Variants in TNFRSF11A observed in about 807,000 individuals in gnomAD.
TNFRSF11A encodes the protein TNF receptor superfamily member 11a.
Under a neutral mutation model 55.7 loss-of-function variants are expected in TNFRSF11A, and 32 were observed. The ratio of observed to expected loss-of-function variants is 0.57; its 90% CI spans 0.43 to 0.77. TNFRSF11A has a LOEUF of 0.77. TNFRSF11A is among the 30% of genes least tolerant of loss of function. The pLI, the probability that TNFRSF11A is intolerant of heterozygous loss-of-function variation, is 0.00. For missense variants in TNFRSF11A, 753 were observed against 809.8 expected (o/e 0.93, Z 0.85); for synonymous variants, 311 against 331.0 (o/e 0.94, Z 0.65).
intron 3 of TNFRSF11A, among the ~76,000 whole-genome samples, chr18:62,350,194 C>T (rs1568480240): frequency 6.6e-6 from 1 of 152,222 alleles, no homozygotes; most frequent in African/African-American, 2.4e-5. Flanking sequence ...CATAATGTTT[C>T]CATAATGTTC....
intron 1 of TNFRSF11A, among the ~76,000 whole-genome samples, chr18:62,337,990 A>T (rs180809343): frequency 2.2e-3 from 328 of 152,334 alleles, no homozygotes; most frequent in Non-Finnish European, 3.6e-3. Context: ...CCCTATGAAA[A>T]CGGACAAAGG....
intron 4 of TNFRSF11A, among the ~76,000 whole-genome samples, chr18:62,357,309 T>C (rs899467403): frequency 2.6e-5 from 4 of 152,252 alleles, no homozygotes; most frequent in African/African-American, 9.6e-5. Context: ...TCTTGGGACT[T>C]ACCGAAGAAT....
chr18:62,340,385 A>C (rs2046295218), intron 1 of TNFRSF11A, among the ~76,000 whole-genome samples: 1 of 151,758 alleles, frequency 6.6e-6, no homozygotes, highest in Non-Finnish European at 1.5e-5. Flanking sequence ...CACTTGGATA[A>C]TTTTTAAAGT....
At chr18:62,379,054 T>G (rs1211170932) in intron 9 of TNFRSF11A, among the ~76,000 whole-genome samples, 1 of 152,210 alleles carries the variant, frequency 6.6e-6, no homozygotes, top group Non-Finnish European at 1.5e-5. Flanking sequence ...GTTTTCATCC[T>G]TGAACAGTGT....
At chr18:62,379,470 G>A (rs1296054302) in intron 9 of TNFRSF11A, among the ~76,000 whole-genome samples, 1 of 152,148 alleles carries the variant, frequency 6.6e-6, no homozygotes, top group East Asian at 1.9e-4. Context: ...GAAAAAATGA[G>A]TTTGATAATC....
At chr18:62,369,891 C>G (rs1297612669) in intron 9 of TNFRSF11A, among the ~76,000 whole-genome samples, 1 of 152,118 alleles carries the variant, frequency 6.6e-6, no homozygotes, top group East Asian at 1.9e-4. Flanking sequence ...CACCTTAGGC[C>G]TCTTAAATCT....
At position 62,358,025 on chromosome 18, in the gene TNFRSF11A, G is replaced by C. The variant is rs905719329; in HGVS notation, c.428-223G>C. On this transcript the variant is annotated intron_variant, in intron 4 of 9. Transcript: ENST00000586569. ...TCAAGTCAGTTACCTTTCTGAGCGT[G>C]GTTCCATAACTCACTGCTGGGGTCA... The C allele has an allele frequency of 1.6e-5, 9 of 551,776 alleles. No homozygotes were observed. In the East Asian group the frequency reaches 2.8e-4, roughly 17 times the overall value. 34.2% of individuals were successfully genotyped at this position (551,776 alleles called of 1,614,324 possible). A position where few individuals can be genotyped will look rare whatever the true frequency, so the allele number is the denominator to read the frequency against.
intron 8 of TNFRSF11A, 86 bp downstream of exon 8, chr18:62,366,846 C>T (rs1325832209): frequency 3.0e-6 from 4 of 1,324,756 alleles, no homozygotes; most frequent in Admixed American, 1.7e-5. Flanking sequence ...TTGAGCACCC[C>T]CCCCCACCCC....
chr18:62,337,896 G>A (rs2046257370), intron 1 of TNFRSF11A, among the ~76,000 whole-genome samples: 1 of 152,158 alleles, frequency 6.6e-6, no homozygotes, highest in Admixed American at 6.5e-5. Context: ...GTATCTGATT[G>A]GTCGACTTTC....
rs151126522 is a variant in TNFRSF11A at position 62,356,954 on chromosome 18, G to A, written c.428-1294G>A. On this transcript the variant is annotated intron_variant, in intron 4 of 9. Coordinates refer to ENST00000586569, the MANE Select transcript of TNFRSF11A (RefSeq NM_003839.4). ...ACCCTTTGTATGCCTGTTAGCCCCC[G>A]TCTCTTCGATTTTGAGGGCTTCTCA... Among the ~76,000 whole-genome samples the A allele has an allele frequency of 9.5e-3, 1,445 of 152,224 alleles. 30 individuals carry two copies. Among genetic ancestry groups the A allele is most frequent in the African/African-American group, 0.032 (1,345 of 41,540 alleles).
chr18:62,330,411 G>T (rs539305075), intron 1 of TNFRSF11A, among the ~76,000 whole-genome samples: 1 of 152,224 alleles, frequency 6.6e-6, no homozygotes, highest in African/African-American at 2.4e-5. Context: ...CTGGCGGTGA[G>T]AACAGCAGGG....
intron 9 of TNFRSF11A, among the ~76,000 whole-genome samples, chr18:62,382,126 T>TTTTTA (rs1911334125): frequency 7.3e-6 from 1 of 136,092 alleles, no homozygotes; most frequent in South Asian, 2.4e-4. Context: ...TTTTTTTTTT[T>TTTTTA]TTTTTTGAGA....
intron 9 of TNFRSF11A, among the ~76,000 whole-genome samples, chr18:62,380,230 C>G (rs1006023297): frequency 6.6e-6 from 1 of 152,188 alleles, no homozygotes; most frequent in African/African-American, 2.4e-5. Context: ...GTGTGATTGG[C>G]ACATCAGTAT....
intron 1 of TNFRSF11A, among the ~76,000 whole-genome samples, chr18:62,337,886 G>A (rs1380607022): frequency 6.6e-6 from 1 of 152,196 alleles, no homozygotes; most frequent in African/African-American, 2.4e-5. Context: ...AAATGAATGT[G>A]TATCTGATTG....
chr18:62,384,914 C>G lies in TNFRSF11A; in HGVS notation c.1731C>G (p.Arg577=). ...CGGTGCAGGAGGAGACCCTGGCGCG[C>G]CGAGACTCCTTCGCGGGGAACGGCC... The part of the protein sequence containing the change: ...GRPVQEETLA[R]RDSFAGNGPR... Residue 577 remains arginine, a synonymous_variant, in exon 10 of 10, where the codon CGC becomes CGG. Transcript: ENST00000586569. 1 of 1,565,770 alleles carries G rather than the reference C, an allele frequency of 6.4e-7. No homozygotes were observed. Among genetic ancestry groups the G allele is most frequent in the South Asian group, 1.2e-5 (1 of 85,776 alleles).
rs1231536674 is a variant in TNFRSF11A, at chr18:62,325,336, C to G, written c.-17C>G. ...GAGGCCGCTGAGGCCGCGGCGCCCGCCAGCCTGTCCCGCGCCATGGCCCCG... is the reference window on the plus strand; with the variant it reads ...GAGGCCGCTGAGGCCGCGGCGCCCGGCAGCCTGTCCCGCGCCATGGCCCCG... On this transcript the variant is annotated 5_prime_UTR_variant, in exon 1 of 10. Coordinates refer to ENST00000586569, the MANE Select transcript of TNFRSF11A (RefSeq NM_003839.4). This position sits in a 1 kb window ranked among gnomAD's most constrained non-coding sequence, Gnocchi z 4.7. 4.9e-6 allele frequency: 5 copies of G among 1,011,198 alleles called. No individual in the cohort carries two copies. The highest frequency in any genetic ancestry group is 4.9e-4 in the Middle Eastern group (1 of 2,056). 62.6% of individuals were successfully genotyped at this position (1,011,198 alleles called of 1,614,324 possible).
rs1398460275 is a variant in TNFRSF11A at position 62,325,474 on chromosome 18, C to G, written c.75+47C>G. The G allele has an allele frequency of 8.5e-7, 1 of 1,182,930 alleles. No individual in the cohort carries two copies. Among genetic ancestry groups the G allele is most frequent in the East Asian group, 4.3e-5 (1 of 23,156 alleles). The allele number at this position is 1,182,930 out of a possible 1,614,324, so 73.3% of individuals were successfully genotyped here. A position where few individuals can be genotyped will look rare whatever the true frequency, so the allele number is the denominator to read the frequency against. On this transcript the variant is annotated intron_variant, in intron 1 of 9. Coordinates refer to ENST00000586569, the MANE Select transcript of TNFRSF11A (RefSeq NM_003839.4). The surrounding 1 kb of genome is among the most constrained non-coding windows in gnomAD (Gnocchi z 4.7). ...CGGGCCGCGCGGCCCGACGCCTCCT[C>G]GGGAGCCCCGGGAAGGGCCGGGGCC...
intron 1 of TNFRSF11A, among the ~76,000 whole-genome samples, chr18:62,340,535 A>T (rs539940429): frequency 6.6e-6 from 1 of 151,384 alleles, no homozygotes; most frequent in African/African-American, 2.4e-5. Flanking sequence ...TGTGACAGTT[A>T]TAGTTTCTTC....
At chr18:62,329,249 G>C (rs934261391) in intron 1 of TNFRSF11A, among the ~76,000 whole-genome samples, 1 of 152,036 alleles carries the variant, frequency 6.6e-6, no homozygotes, top group African/African-American at 2.4e-5. Flanking sequence ...CTGATGGTAC[G>C]CAACTGTCCA....
Sources: allele counts gnomAD v4.1 joint callset (sites outside exome capture counted in the v4.1 genomes callset), GRCh38; gene constraint gnomAD v4.1.1; non-coding constraint Gnocchi (gnomAD v3.1); transcripts MANE v1.5; gene names NCBI Gene and HGNC (gene_info 2026-07-23, HGNC 2026-07-21).